Variants in LOC122539214 observed in about 807,000 individuals in gnomAD.
At chr19:52,686,630 G>A in the LOC122539214 span, among the ~76,000 whole-genome samples, 8 of 151,996 alleles carry the variant, frequency 5.3e-5, no homozygotes, top group African/African-American at 1.9e-4. Context: ...CTGCAGTGCA[G>A]CAACATGATT....
At chr19:52,666,882 A>G in the LOC122539214 span, among the ~76,000 whole-genome samples, 1 of 152,222 alleles carries the variant, frequency 6.6e-6, no homozygotes, top group African/African-American at 2.4e-5. Context: ...TGGGTATTCA[A>G]TAAGTGATAA....
chr19:52,686,472 AT>A, the LOC122539214 span, among the ~76,000 whole-genome samples: 1 of 143,002 alleles, frequency 7.0e-6, no homozygotes, highest in African/African-American at 2.6e-5. Flanking sequence ...ATATATATAT[AT>A]ATATATATAA....
the LOC122539214 span, among the ~76,000 whole-genome samples, chr19:52,655,864 A>G: frequency 5.9e-5 from 9 of 152,158 alleles, no homozygotes; most frequent in African/African-American, 2.2e-4. Flanking sequence ...CTTTCCCATG[A>G]TAGATTTTGA....
the LOC122539214 span, among the ~76,000 whole-genome samples, chr19:52,661,575 C>G: frequency 6.6e-6 from 1 of 152,178 alleles, no homozygotes; most frequent in Non-Finnish European, 1.5e-5. Context: ...TAATAGCAAT[C>G]TTTGATAGAA....
the LOC122539214 span, among the ~76,000 whole-genome samples, chr19:52,684,638 G>A: frequency 3.3e-5 from 5 of 152,244 alleles, no homozygotes; most frequent in East Asian, 1.9e-4. Context: ...GATAGAGACT[G>A]GTGGGCAGAG....
At chr19:52,664,402 G>A in the LOC122539214 span, among the ~76,000 whole-genome samples, 570 of 152,142 alleles carry the variant, frequency 3.7e-3, 1 homozygote, top group Middle Eastern at 0.027. Context: ...AGGCTGAAGT[G>A]GGAGGATCCG....
the LOC122539214 span, among the ~76,000 whole-genome samples, chr19:52,671,585 G>A: frequency 6.6e-6 from 1 of 152,062 alleles, no homozygotes; most frequent in Non-Finnish European, 1.5e-5. Flanking sequence ...TGGAGCTGCA[G>A]GCCCTCACCA....
the LOC122539214 span, chr19:52,652,320 C>A: frequency 3.8e-6 from 1 of 262,466 alleles, no homozygotes. Context: ...CTTGTAGTCC[C>A]AGCTACTCAG....
At chr19:52,654,027 C>G in the LOC122539214 span, 1 of 1,571,058 alleles carries the variant, frequency 6.4e-7, no homozygotes, top group African/African-American at 1.3e-5. Flanking sequence ...ATGTTGAAAC[C>G]AAGGAAGCAT....
At chr19:52,678,095 G>A in the LOC122539214 span, among the ~76,000 whole-genome samples, 32,799 of 151,624 alleles carry the variant, frequency 0.22, 3,778 homozygotes, top group Non-Finnish European at 0.24. Flanking sequence ...TTGCCTACAT[G>A]TGTGATTGGT....
chr19:52,653,122 G>T, the LOC122539214 span: 2 of 1,461,272 alleles, frequency 1.4e-6, no homozygotes, highest in Non-Finnish European at 1.9e-6. Flanking sequence ...TCGAGCAAAG[G>T]TCTTGCCACA....
chr19:52,674,898 C>T, the LOC122539214 span, among the ~76,000 whole-genome samples: 20,604 of 152,062 alleles, frequency 0.14, 1,491 homozygotes, highest in African/African-American at 0.16. Flanking sequence ...AACAAAAAAC[C>T]GGCTGGGAAA....
the LOC122539214 span, among the ~76,000 whole-genome samples, chr19:52,653,711 T>A: frequency 6.0e-4 from 91 of 152,266 alleles, 2 homozygotes; most frequent in East Asian, 5.8e-3. Flanking sequence ...TGACCGAAGG[T>A]CTTGGAACAC....
chr19:52,681,682 G>A, the LOC122539214 span, among the ~76,000 whole-genome samples: 2 of 152,098 alleles, frequency 1.3e-5, no homozygotes, highest in Non-Finnish European at 2.9e-5. Context: ...CTGGGATTCA[G>A]ATTTGAATAT....
chr19:52,665,630 G>C, the LOC122539214 span, among the ~76,000 whole-genome samples: 3 of 152,080 alleles, frequency 2.0e-5, no homozygotes, highest in Non-Finnish European at 4.4e-5. Context: ...TCCACCCTGA[G>C]TAATTCTCCA....
At chr19:52,685,691 G>A in the LOC122539214 span, among the ~76,000 whole-genome samples, 4 of 152,046 alleles carry the variant, frequency 2.6e-5, no homozygotes, top group African/African-American at 9.7e-5. Context: ...GAGGTCAGGA[G>A]CTCGAGACCA....
At chr19:52,678,889 C>T in the LOC122539214 span, among the ~76,000 whole-genome samples, 1 of 151,304 alleles carries the variant, frequency 6.6e-6, no homozygotes, top group African/African-American at 2.4e-5. Context: ...GCAGGAGAAT[C>T]ACTTGAACCC....
chr19:52,678,390 C>T, the LOC122539214 span, among the ~76,000 whole-genome samples: 1 of 138,598 alleles, frequency 7.2e-6, no homozygotes, highest in Non-Finnish European at 1.5e-5. Flanking sequence ...ACAGAGGTTG[C>T]AGTGAGCTGA....
chr19:52,650,564 T>C, the LOC122539214 span: 1 of 152,188 alleles, frequency 6.6e-6, no homozygotes, highest in South Asian at 2.1e-4. Flanking sequence ...GCCGAACTTA[T>C]TACTTTTCTA....
Sources: allele counts gnomAD v4.1 joint callset (sites outside exome capture counted in the v4.1 genomes callset), GRCh38; gene constraint gnomAD v4.1.1; transcripts MANE v1.5.